PTPRD: variants seen among roughly 807,000 people sequenced by gnomAD.
The protein encoded by PTPRD is receptor-type tyrosine-protein phosphatase delta.
In PTPRD, 34 loss-of-function variants were observed where a neutral mutation model predicts 214.5. The observed-to-expected ratio is 0.16, with a 90% confidence interval of 0.12 to 0.21. The LOEUF (loss-of-function observed/expected upper bound fraction) is 0.21, where lower values mean the gene tolerates loss of function less well. PTPRD is among the 10% of genes least tolerant of loss of function. PTPRD has a pLI of 1.00. For synonymous variants in PTPRD, 1,128 were observed against 845.7 expected, an observed-to-expected ratio of 1.33 and a Z score of -5.79; for missense variants, 2,545 against 2,398.7, an observed-to-expected ratio of 1.06 and a Z score of -1.27.
intron 34 of PTPRD, among the ~76,000 whole-genome samples, chr9:8,448,123 G>C (rs753176940): frequency 5.2e-4 from 79 of 151,994 alleles, no homozygotes; most frequent in Non-Finnish European, 1.0e-4. Context: ...CCAGGAGTTG[G>C]AGCCCAGCTT....
chr9:8,566,100 A>ATATGTGTGTGTGTGTGTG (rs1554806757), intron 14 of PTPRD, among the ~76,000 whole-genome samples: 1 of 137,814 alleles, frequency 7.3e-6, no homozygotes, highest in Admixed American at 7.5e-5. Context: ...AATGCAAAAT[A>ATATGTGTGTGTGTGTGTG]TGTGTGTGTG....
chr9:10,506,196 GA>G (rs976215703), intron 2 of PTPRD, among the ~76,000 whole-genome samples: 3 of 151,326 alleles, frequency 2.0e-5, no homozygotes, highest in African/African-American at 7.4e-5. Context: ...AAAGCTTCAA[GA>G]CTTTTTTTAT....
At chr9:8,817,555 C>T (rs1462041663) in intron 11 of PTPRD, among the ~76,000 whole-genome samples, 1 of 152,044 alleles carries the variant, frequency 6.6e-6, no homozygotes, top group Non-Finnish European at 1.5e-5. Context: ...TGCTTGAGCT[C>T]AGGAGTTCAA....
intron 2 of PTPRD, among the ~76,000 whole-genome samples, chr9:10,609,491 G>T (rs2080371305): frequency 6.6e-6 from 1 of 152,126 alleles, no homozygotes; most frequent in Admixed American, 6.5e-5. Context: ...ATTGTCATGT[G>T]CACTATTAGT....
chr9:9,416,629 G>A (rs577247992), intron 8 of PTPRD, among the ~76,000 whole-genome samples: 17 of 152,156 alleles, frequency 1.1e-4, no homozygotes, highest in Admixed American at 2.6e-4. Context: ...GCTCAAGGAC[G>A]TGCTCTCCCT....
rs553930824 is a variant in PTPRD, at chr9:10,466,788, G to A, written c.-599-125771C>T. Among the ~76,000 whole-genome samples the A allele has an allele frequency of 3.3e-5, 5 of 152,038 alleles. No homozygotes were observed. The East Asian group carries it at 9.7e-4, about 29-fold the overall frequency. On this transcript the variant is annotated intron_variant, in intron 2 of 45. Transcript: ENST00000381196. ...AAGTAAGCTTCTCAAATACAAAGGG[G>A]GAATTATGACTAGATGGCTTAGTGG...
chr9:8,828,750 T>A (rs888368662), intron 11 of PTPRD, among the ~76,000 whole-genome samples: 5 of 152,224 alleles, frequency 3.3e-5, no homozygotes, highest in Admixed American at 2.6e-4. Flanking sequence ...GTTAAGTCCA[T>A]GTTTTTTCTG....
At chr9:8,499,890 T>C (rs2097356397) in intron 24 of PTPRD, 50 bp from the exon 25 acceptor site, 1 of 1,468,040 alleles carries the variant, frequency 6.8e-7, no homozygotes, top group Admixed American at 2.3e-5. Flanking sequence ...TGTCCCACCC[T>C]ATCAGAGCAT....
chr9:8,645,426 T>C (rs964906749), intron 12 of PTPRD, among the ~76,000 whole-genome samples: 3 of 152,240 alleles, frequency 2.0e-5, no homozygotes, highest in African/African-American at 7.2e-5. Flanking sequence ...ATACAGTTCT[T>C]GACACTGATT....
chr9:8,959,551 A>G (rs548103797), intron 11 of PTPRD, among the ~76,000 whole-genome samples: 3 of 152,094 alleles, frequency 2.0e-5, no homozygotes, highest in African/African-American at 7.2e-5. Flanking sequence ...GGCTTCATCC[A>G]AAGTCTTGAA....
chr9:10,292,316 G>C (rs2095550434), intron 3 of PTPRD, among the ~76,000 whole-genome samples: 1 of 151,886 alleles, frequency 6.6e-6, no homozygotes, highest in Non-Finnish European at 1.5e-5. Context: ...CTTTCTTAAT[G>C]CCACTATCCT....
chr9:9,712,882 A>T (rs932473339), intron 7 of PTPRD, among the ~76,000 whole-genome samples: 1 of 152,234 alleles, frequency 6.6e-6, no homozygotes, highest in Admixed American at 6.5e-5. Flanking sequence ...TGTTATTGCT[A>T]TAGTGACAGA....
At chr9:10,558,693 G>T (rs1008923581) in intron 2 of PTPRD, among the ~76,000 whole-genome samples, 1 of 151,880 alleles carries the variant, frequency 6.6e-6, no homozygotes, top group African/African-American at 2.4e-5. Flanking sequence ...TTTTATTTTT[G>T]TATTGCAAGT....
chr9:8,712,669 A>C (rs1048448837), intron 12 of PTPRD, among the ~76,000 whole-genome samples: 1 of 146,720 alleles, frequency 6.8e-6, no homozygotes, highest in Non-Finnish European at 1.5e-5. Context: ...TACTGTATTC[A>C]GTCTTTTCAT....
At chr9:8,464,715 C>CT (rs35687233) in intron 32 of PTPRD, among the ~76,000 whole-genome samples, 118,115 of 148,112 alleles carry the variant, frequency 0.8, 47,182 homozygotes, top group East Asian at 0.98. Flanking sequence ...TATCTCTCCC[C>CT]TTTTTTTTTT....
intron 5 of PTPRD, among the ~76,000 whole-genome samples, chr9:9,788,551 C>CA (rs371559861): frequency 0.76 from 89,545 of 117,254 alleles, 33,482 homozygotes; most frequent in Middle Eastern, 0.9. Flanking sequence ...AGCTCCGTCT[C>CA]AAAAAAAAAA....
intron 35 of PTPRD, among the ~76,000 whole-genome samples, chr9:8,425,616 T>C (rs2094608964): frequency 6.6e-6 from 1 of 152,192 alleles, no homozygotes; most frequent in Non-Finnish European, 1.5e-5. Flanking sequence ...CTCTCGTCAA[T>C]ATTGTCCCAC....
Position 8,487,094 on chromosome 9 carries a change from T to A in PTPRD, c.2468-745A>T, listed in dbSNP as rs146525761. 4.3e-3 allele frequency among the ~76,000 whole-genome samples: 659 copies of A among 152,342 alleles called. 6 individuals are homozygous for A. The highest frequency in any genetic ancestry group is 0.015 in the African/African-American group (632 of 41,562). On this transcript the variant is annotated intron_variant, in intron 27 of 45. Coordinates refer to ENST00000381196, the MANE Select transcript of PTPRD (RefSeq NM_002839.4). ...TCCACATCATTCATCAAGTTCTTCA[T>A]CTGTAAAATGGGAATTATATTAAGA... is the stretch of plus-strand genomic sequence containing the variant.
Position 9,670,265 on chromosome 9 carries a change from T to TGA in PTPRD, c.-287+64266_-287+64267dup, listed in dbSNP as rs147934224. On this transcript the variant is annotated intron_variant, in intron 7 of 45. Transcript: ENST00000381196. ...CCCACCCAAATCTCATCTTTGAACTTGAGAGAGATGATTTATGGTATCTGG... is the reference window on the plus strand; with the variant it reads ...CCCACCCAAATCTCATCTTTGAACTTGAGAGAGAGATGATTTATGGTATCTGG... Among the ~76,000 whole-genome samples, 9 of 152,118 alleles carry TGA rather than the reference T, an allele frequency of 5.9e-5. No individual in the cohort carries two copies. The South Asian group carries it at 1.9e-3, about 32-fold the overall frequency.
Sources: gnomAD v4.1 joint callset for allele counts (sites outside exome capture counted in the v4.1 genomes callset) on GRCh38, gnomAD v4.1.1 for gene constraint, MANE v1.5 for transcripts, NCBI Gene and HGNC (gene_info 2026-07-23, HGNC 2026-07-21) for gene names.